The following EVI5 variants were observed in gnomAD, a reference collection of about 807,000 sequenced individuals.
The protein encoded by EVI5 is ecotropic viral integration site 5 protein homolog.
EVI5 carries 73 observed loss-of-function variants against 112.0 expected under a neutral mutation model. That is an observed-to-expected ratio of 0.65 (90% CI 0.54 to 0.79). EVI5 has a LOEUF of 0.79. Ranked by LOEUF, EVI5 falls within the 30% of genes least tolerant of loss-of-function variation. The pLI, the probability that EVI5 is intolerant of heterozygous loss-of-function variation, is 0.00. For missense variants in EVI5, 900 were observed against 968.8 expected, an observed-to-expected ratio of 0.93 and a Z score of 0.94; for synonymous variants, 305 against 319.9, an observed-to-expected ratio of 0.95 and a Z score of 0.50.
At chr1:92,518,678 G>C (rs1050178660) in intron 19 of EVI5, among the ~76,000 whole-genome samples, 10 of 149,398 alleles carry the variant, frequency 6.7e-5, no homozygotes, top group African/African-American at 2.5e-4. Flanking sequence ...AGAGGTCTTA[G>C]ACGTAAATTT....
intron 7 of EVI5, among the ~76,000 whole-genome samples, chr1:92,694,920 A>G (rs1331073618): frequency 6.6e-6 from 1 of 152,230 alleles, no homozygotes; most frequent in East Asian, 1.9e-4. Context: ...TGACAGATGC[A>G]TTTCAACAAT....
At chr1:92,705,618 T>C (rs1319640394) in intron 2 of EVI5, among the ~76,000 whole-genome samples, 4 of 152,188 alleles carry the variant, frequency 2.6e-5, no homozygotes, top group African/African-American at 9.7e-5. Flanking sequence ...GTGTTAGGCC[T>C]CCTCCTTATC....
At chr1:92,557,224 C>A (rs1667809746) in intron 19 of EVI5, among the ~76,000 whole-genome samples, 2 of 152,024 alleles carry the variant, frequency 1.3e-5, no homozygotes, top group Admixed American at 6.6e-5. Context: ...TTATAGCATA[C>A]CAAAATAGTT....
At chr1:92,661,999 C>T (rs756134387) in intron 13 of EVI5, among the ~76,000 whole-genome samples, 11 of 151,974 alleles carry the variant, frequency 7.2e-5, no homozygotes, top group Non-Finnish European at 1.5e-4. Context: ...TGATTAAGAT[C>T]GCCCTTGTCT....
chr1:92,676,103 T>C (rs988125372), intron 10 of EVI5, among the ~76,000 whole-genome samples: 1 of 149,650 alleles, frequency 6.7e-6, no homozygotes, highest in Non-Finnish European at 1.5e-5. Flanking sequence ...TCTACTTCCA[T>C]TTGATAAGGA....
At chr1:92,598,028 T>C (rs1473521959) in intron 18 of EVI5, among the ~76,000 whole-genome samples, 1 of 152,176 alleles carries the variant, frequency 6.6e-6, no homozygotes, top group African/African-American at 2.4e-5. Flanking sequence ...CACTGCACTC[T>C]GGTCTGAGCA....
At chr1:92,550,473 T>A (rs1451062201) in intron 19 of EVI5, among the ~76,000 whole-genome samples, 1 of 151,568 alleles carries the variant, frequency 6.6e-6, no homozygotes, top group Non-Finnish European at 1.5e-5. Context: ...TGTGCACATG[T>A]ACCCTAGAAC....
chr1:92,711,409 G>A (rs759838918), intron 2 of EVI5, among the ~76,000 whole-genome samples: 6 of 152,176 alleles, frequency 3.9e-5, no homozygotes, highest in Non-Finnish European at 8.8e-5. Flanking sequence ...TGGTCAACAT[G>A]CCAGTTGGTA....
intron 17 of EVI5, among the ~76,000 whole-genome samples, chr1:92,606,895 C>G (rs1328119706): frequency 2.1e-5 from 2 of 97,100 alleles, no homozygotes; most frequent in African/African-American, 7.2e-5. Flanking sequence ...TTCACACACA[C>G]ACACACACAC....
At chr1:92,714,151 A>C (rs185642284) in intron 2 of EVI5, 63 of 982,402 alleles carry the variant, frequency 6.4e-5, no homozygotes, top group Non-Finnish European at 7.5e-5. Flanking sequence ...ATTACATTAA[A>C]CCATTTCTTC....
chr1:92,710,730 C>T (rs768240791), intron 2 of EVI5, among the ~76,000 whole-genome samples: 1 of 116,908 alleles, frequency 8.6e-6, no homozygotes, highest in African/African-American at 3.4e-5. Context: ...CTGGCTACAG[C>T]CACACAATAG....
intron 18 of EVI5, among the ~76,000 whole-genome samples, chr1:92,597,800 T>C (rs1353864124): frequency 2.0e-5 from 3 of 152,240 alleles, no homozygotes; most frequent in African/African-American, 7.2e-5. Context: ...GGCTCACACC[T>C]GTAGTCCCAG....
At chr1:92,752,023 T>C (rs1328783008) in intron 1 of EVI5, among the ~76,000 whole-genome samples, 2 of 151,898 alleles carry the variant, frequency 1.3e-5, no homozygotes, top group African/African-American at 4.8e-5. Flanking sequence ...CTTAAAAAAA[T>C]AATAATTTTC....
At chr1:92,550,175 CAAT>C (rs1666551743) in intron 19 of EVI5, among the ~76,000 whole-genome samples, 1 of 152,010 alleles carries the variant, frequency 6.6e-6, no homozygotes, top group South Asian at 2.1e-4. Flanking sequence ...CCATAAAAAA[CAAT>C]GAGTTCATGT....
chr1:92,739,999 C>T (rs1678110434), intron 1 of EVI5, among the ~76,000 whole-genome samples: 1 of 149,316 alleles, frequency 6.7e-6, no homozygotes, highest in African/African-American at 2.5e-5. Context: ...AGGGGCAGTG[C>T]GGCAGAACAC....
intron 13 of EVI5, among the ~76,000 whole-genome samples, chr1:92,651,029 T>C (rs1180116927): frequency 6.6e-6 from 1 of 152,204 alleles, no homozygotes; most frequent in Non-Finnish European, 1.5e-5. Flanking sequence ...TCCTCTGCTT[T>C]ATTTTTATTT....
At chr1:92,692,685 A>G (rs1292660334) in intron 9 of EVI5, among the ~76,000 whole-genome samples, 2 of 152,210 alleles carry the variant, frequency 1.3e-5, no homozygotes, top group African/African-American at 2.4e-5. Flanking sequence ...ATCATTGTGC[A>G]TGGAAAAGCT....
At chr1:92,693,993 G>A (rs1299690319) in intron 8 of EVI5, 94 bp from the exon 9 acceptor site, 4 of 808,724 alleles carry the variant, frequency 4.9e-6, no homozygotes, top group Non-Finnish European at 2.0e-6. Context: ...TGGGCGTGGT[G>A]GCTCATGCTT....
intron 19 of EVI5, among the ~76,000 whole-genome samples, chr1:92,535,301 C>G (rs992351227): frequency 2.0e-5 from 3 of 152,182 alleles, no homozygotes; most frequent in African/African-American, 7.2e-5. Context: ...CACTTTTACA[C>G]TGTTGGTGGG....
Sources: allele counts gnomAD v4.1 joint callset (sites outside exome capture counted in the v4.1 genomes callset), GRCh38; gene constraint gnomAD v4.1.1; transcripts MANE v1.5; gene names NCBI Gene and HGNC (gene_info 2026-07-23, HGNC 2026-07-21).